The following EEPD1 variants were observed in gnomAD, a reference collection of about 807,000 sequenced individuals.
EEPD1 encodes the protein endonuclease/exonuclease/phosphatase family domain-containing protein 1.
A neutral mutation model predicts 46.3 loss-of-function variants in EEPD1; 17 were observed. That is an observed-to-expected ratio of 0.37 (90% CI 0.25 to 0.55). The LOEUF (loss-of-function observed/expected upper bound fraction) is 0.55. Among genes scored for constraint, EEPD1 ranks in the 20% least tolerant of loss-of-function variants. The pLI is 0.83. For missense variants in EEPD1, 673 were observed against 745.6 expected (o/e 0.90, Z 1.13); for synonymous variants, 313 against 315.6 (o/e 0.99, Z 0.09).
chr7:36,200,656 A>G (rs1232449056), intron 2 of EEPD1, among the ~76,000 whole-genome samples: 2 of 152,178 alleles, frequency 1.3e-5, no homozygotes, highest in South Asian at 2.1e-4. Context: ...GGAGGTTAAC[A>G]TGGAGGGTTT....
intron 2 of EEPD1, among the ~76,000 whole-genome samples, chr7:36,203,652 T>C (rs1785758509): frequency 6.6e-6 from 1 of 152,234 alleles, no homozygotes; most frequent in East Asian, 1.9e-4. Context: ...CAGACCCTTG[T>C]CTGCAGGAGC....
At chr7:36,207,078 A>C (rs1407451867) in intron 2 of EEPD1, among the ~76,000 whole-genome samples, 1 of 152,088 alleles carries the variant, frequency 6.6e-6, no homozygotes, top group Non-Finnish European at 1.5e-5. Context: ...ACAACAAAAA[A>C]AACTCTATGA....
intron 3 of EEPD1, among the ~76,000 whole-genome samples, chr7:36,267,393 C>A (rs1226176973): frequency 6.6e-6 from 1 of 152,192 alleles, no homozygotes; most frequent in Non-Finnish European, 1.5e-5. Flanking sequence ...TGTGCCACAG[C>A]CACACTGGCC....
At chr7:36,263,616 AG>A (rs2115834901) in intron 3 of EEPD1, among the ~76,000 whole-genome samples, 1 of 152,354 alleles carries the variant, frequency 6.6e-6, no homozygotes, top group South Asian at 2.1e-4. Context: ...TACAATTCGA[AG>A]GGGTAAACCT....
At chr7:36,156,030 G>A (rs531403740) in intron 2 of EEPD1, among the ~76,000 whole-genome samples, 1 of 152,322 alleles carries the variant, frequency 6.6e-6, no homozygotes, top group South Asian at 2.1e-4. Flanking sequence ...TCAGGTGTGG[G>A]AAAGAAAGAA....
chr7:36,169,955 A>G (rs915798263), intron 2 of EEPD1, among the ~76,000 whole-genome samples: 1 of 152,232 alleles, frequency 6.6e-6, no homozygotes, highest in African/African-American at 2.4e-5. Context: ...AGCTTTAGAA[A>G]TTTCATCAAA....
chr7:36,210,337 A>G (rs1202521234), intron 2 of EEPD1, among the ~76,000 whole-genome samples: 1 of 152,256 alleles, frequency 6.6e-6, no homozygotes, highest in African/African-American at 2.4e-5. Flanking sequence ...TTCTAAACCA[A>G]TGCAAAGGGT....
At chr7:36,167,738 CAG>C (rs1785010167) in intron 2 of EEPD1, among the ~76,000 whole-genome samples, 1 of 151,924 alleles carries the variant, frequency 6.6e-6, no homozygotes, top group Non-Finnish European at 1.5e-5. Flanking sequence ...TTATTAGAGA[CAG>C]AGTCTCTCTC....
intron 2 of EEPD1, among the ~76,000 whole-genome samples, chr7:36,164,600 T>C (rs1328593013): frequency 6.6e-6 from 1 of 152,272 alleles, no homozygotes. Flanking sequence ...ATGTTTATTG[T>C]AGACCCCAAC....
intron 2 of EEPD1, among the ~76,000 whole-genome samples, chr7:36,217,025 G>A (rs1786040209): frequency 6.6e-6 from 1 of 152,190 alleles, no homozygotes; most frequent in South Asian, 2.1e-4. Context: ...TAGTGGAAAG[G>A]GGTCCCAATC....
chr7:36,276,988 C>T (rs532759052), intron 3 of EEPD1, among the ~76,000 whole-genome samples: 11 of 152,330 alleles, frequency 7.2e-5, no homozygotes, highest in Non-Finnish European at 1.3e-4. Context: ...GCTGCTTTTA[C>T]GTAAGAGTAT....
intron 6 of EEPD1, among the ~76,000 whole-genome samples, chr7:36,291,002 A>G (rs1445878152): frequency 6.6e-6 from 1 of 152,158 alleles, no homozygotes; most frequent in Non-Finnish European, 1.5e-5. Context: ...GTTGTAAGAA[A>G]TCCGATGTGC....
At chr7:36,234,113 T>A (rs944880231) in intron 2 of EEPD1, among the ~76,000 whole-genome samples, 8 of 152,046 alleles carry the variant, frequency 5.3e-5, no homozygotes, top group African/African-American at 1.7e-4. Flanking sequence ...GAGACAGGGT[T>A]TCACCATGTT....
chr7:36,217,103 T>G (rs1418271243), intron 2 of EEPD1, among the ~76,000 whole-genome samples: 2 of 152,246 alleles, frequency 1.3e-5, no homozygotes, highest in African/African-American at 4.8e-5. Flanking sequence ...TGGAGTAAAG[T>G]GAAAACAAGT....
Position 36,154,245 on chromosome 7 carries a change from C to A in EEPD1, c.-80C>A. The A allele has an allele frequency of 2.0e-6, 3 of 1,471,300 alleles. No homozygotes were observed. Among genetic ancestry groups the A allele is most frequent in the Non-Finnish European group, 2.7e-6 (3 of 1,112,348 alleles). 91.1% of individuals were successfully genotyped at this position (1,471,300 alleles called of 1,614,324 possible). On this transcript the variant is annotated 5_prime_UTR_variant, in exon 2 of 8. Transcript: ENST00000242108. This position sits in a 1 kb window ranked among gnomAD's most constrained non-coding sequence, Gnocchi z 4.2. ...CACCTTCCGTTTTTCTGTGCTTGTA[C>A]GGCCTACTGGGCTTCCTCCCTAGCC...
At chr7:36,266,082 G>C (rs942378422) in intron 3 of EEPD1, among the ~76,000 whole-genome samples, 6 of 152,096 alleles carry the variant, frequency 3.9e-5, no homozygotes, top group African/African-American at 1.4e-4. Flanking sequence ...GGCCATCCCT[G>C]TGTTTCCGCT....
chr7:36,185,747 T>A (rs575498759), intron 2 of EEPD1, among the ~76,000 whole-genome samples: 1 of 152,238 alleles, frequency 6.6e-6, no homozygotes, highest in Non-Finnish European at 1.5e-5. Flanking sequence ...CTTCTCATGC[T>A]TCCTAAGCAG....
chr7:36,198,391 C>A (rs1176077560), intron 2 of EEPD1, among the ~76,000 whole-genome samples: 9 of 74,374 alleles, frequency 1.2e-4, no homozygotes, highest in East Asian at 4.6e-4. Flanking sequence ...TAAATCAAAA[C>A]TGGTTAATAA....
intron 3 of EEPD1, among the ~76,000 whole-genome samples, chr7:36,249,067 G>A (rs1456611135): frequency 6.8e-6 from 1 of 146,590 alleles, no homozygotes. Flanking sequence ...ATCATCACAA[G>A]ATATCAGGTA....
Sources: allele counts gnomAD v4.1 joint callset (sites outside exome capture counted in the v4.1 genomes callset), GRCh38; gene constraint gnomAD v4.1.1; non-coding constraint Gnocchi (gnomAD v3.1); transcripts MANE v1.5; gene names NCBI Gene and HGNC (gene_info 2026-07-23, HGNC 2026-07-21).